Variants in PAX5 observed in about 807,000 individuals in gnomAD.
The protein encoded by PAX5 is paired box 5.
PAX5 carries 9 observed loss-of-function variants against 43.7 expected under a neutral mutation model. The observed-to-expected ratio is 0.21, with a 90% CI of 0.12 to 0.36. PAX5 has a LOEUF of 0.36. Among genes scored for constraint, PAX5 ranks in the 10% least tolerant of loss-of-function variants. PAX5 has a pLI of 1.00. For synonymous variants in PAX5, 228 were observed against 214.3 expected (o/e 1.06, Z -0.56); for missense variants, 383 against 532.7 (o/e 0.72, Z 2.77).
chr9:36,864,836 G>T (rs146287141), intron 8 of PAX5, among the ~76,000 whole-genome samples: 2 of 152,196 alleles, frequency 1.3e-5, no homozygotes, highest in African/African-American at 4.8e-5. Flanking sequence ...GCCGGCGCCG[G>T]AGCCGGGCTG....
At chr9:36,895,468 T>C (rs1827781941) in intron 7 of PAX5, among the ~76,000 whole-genome samples, 1 of 152,228 alleles carries the variant, frequency 6.6e-6, no homozygotes, top group African/African-American at 2.4e-5. Context: ...GCAGATTCTT[T>C]GGATTAAAAT....
intron 8 of PAX5, among the ~76,000 whole-genome samples, chr9:36,874,727 T>G (rs1825767778): frequency 6.6e-6 from 1 of 151,882 alleles, no homozygotes; most frequent in Non-Finnish European, 1.5e-5. Flanking sequence ...ACTGGATTCT[T>G]CTCTAGTTGG....
chr9:37,027,317 C>T (rs1588272193), intron 1 of PAX5, among the ~76,000 whole-genome samples: 1 of 152,320 alleles, frequency 6.6e-6, no homozygotes, highest in Admixed American at 6.5e-5. Flanking sequence ...CTTCAAAGTT[C>T]CCGCGGCCCC....
At chr9:36,895,488 T>TAA (rs1827785151) in intron 7 of PAX5, among the ~76,000 whole-genome samples, 2 of 152,238 alleles carry the variant, frequency 1.3e-5, no homozygotes, top group African/African-American at 4.8e-5. Context: ...TTACTAGTTG[T>TAA]TCTATAACCT....
intron 7 of PAX5, among the ~76,000 whole-genome samples, chr9:36,909,200 C>T (rs182517355): frequency 8.5e-4 from 130 of 152,286 alleles, no homozygotes; most frequent in Non-Finnish European, 4.0e-4. Flanking sequence ...CAATAGAATT[C>T]ACCCCCAAAT....
At position 37,003,154 on chromosome 9, in the gene PAX5, T is replaced by TAAA. The variant is rs67081521; in HGVS notation, c.476-381_476-379dup. ...CCGGGGCCCACCAACAGTCAGTGCT[T>TAAA]AAAAAAAAAAAAAAAAAAAAAAAAA... On this transcript the variant is annotated intron_variant, in intron 4 of 9. Transcript: ENST00000358127. Among the ~76,000 whole-genome samples the TAAA allele has an allele frequency of 2.9e-4, 22 of 75,830 alleles. No homozygotes were observed. In the East Asian group the frequency reaches 4.5e-3, roughly 16 times the overall value. 49.7% of individuals were successfully genotyped at this position (75,830 alleles called of 152,430 possible). A position where few individuals can be genotyped will look rare whatever the true frequency, so the allele number is the denominator to read the frequency against.
At position 36,834,303 on chromosome 9, in the gene PAX5, C is replaced by T. The variant is rs184637109; in HGVS notation, c.*6257G>A. The stretch of plus-strand genomic sequence containing the variant: ...CCTGAGCCCCGGGACAGGCTGCTGC[C>T]GGGTCTGCTCACCTTCTCTGACCCA... On this transcript the variant is annotated 3_prime_UTR_variant, in exon 10 of 10. Coordinates refer to ENST00000358127, the MANE Select transcript of PAX5 (RefSeq NM_016734.3). 320 of 233,324 alleles carry T rather than the reference C, an allele frequency of 1.4e-3. No homozygotes were observed. The highest frequency in any genetic ancestry group is 6.4e-3 in the East Asian group (107 of 16,596). The allele number at this position is 233,324 out of a possible 1,614,324, so 14.5% of individuals were successfully genotyped here.
intron 8 of PAX5, among the ~76,000 whole-genome samples, chr9:36,849,124 C>T (rs1047254813): frequency 9.8e-5 from 15 of 152,316 alleles, no homozygotes; most frequent in Non-Finnish European, 2.2e-4. Context: ...ATCCGTTGTA[C>T]GTGGGCATGC....
rs1409556293 is a variant in PAX5 at position 36,838,698 on chromosome 9, T to A, written c.*1862A>T. On this transcript the variant is annotated 3_prime_UTR_variant, in exon 10 of 10. Transcript: ENST00000358127. ...ATTGGGCCTCAGGTGCCCACCCCCA[T>A]CTGCTTGCTTGGAAGTGGAGGGCCT... is the stretch of plus-strand genomic sequence containing the variant. The A allele has an allele frequency of 4.3e-6, 1 of 232,688 alleles. No individual in the cohort carries two copies. Among genetic ancestry groups the A allele is most frequent in the Admixed American group, 5.6e-5 (1 of 17,752 alleles). The allele number at this position is 232,688 out of a possible 1,614,324, so 14.4% of individuals were successfully genotyped here.
At chr9:36,907,466 G>A (rs544260460) in intron 7 of PAX5, among the ~76,000 whole-genome samples, 3 of 152,150 alleles carry the variant, frequency 2.0e-5, no homozygotes, top group African/African-American at 7.2e-5. Flanking sequence ...TGGGCCTCCT[G>A]TGGATGCCAA....
At chr9:36,872,729 T>C (rs1416330060) in intron 8 of PAX5, among the ~76,000 whole-genome samples, 1 of 152,134 alleles carries the variant, frequency 6.6e-6, no homozygotes, top group Admixed American at 6.5e-5. Context: ...TTTAGTCACA[T>C]AGACTGTCCA....
intron 6 of PAX5, among the ~76,000 whole-genome samples, chr9:36,952,800 T>A (rs751792971): frequency 1.3e-5 from 2 of 152,210 alleles, no homozygotes; most frequent in Non-Finnish European, 2.9e-5. Flanking sequence ...CTGCCATCAT[T>A]TCACTTATCC....
chr9:36,898,460 C>T (rs966649225), intron 7 of PAX5, among the ~76,000 whole-genome samples: 5 of 152,120 alleles, frequency 3.3e-5, no homozygotes, highest in African/African-American at 1.2e-4. Flanking sequence ...CTCTGGTCTC[C>T]GGGCCCCAGA....
chr9:36,992,451 G>A lies in PAX5; in HGVS notation c.604+10197C>T, dbSNP rs559583250. On this transcript the variant is annotated intron_variant, in intron 5 of 9. Coordinates refer to ENST00000358127, the MANE Select transcript of PAX5 (RefSeq NM_016734.3). ...AAACACTCACTCCCCAGGCTCTCGG[G>A]TGGCACGAGCTGGCTGCTGCTGGCA... Among the ~76,000 whole-genome samples the A allele has an allele frequency of 5.3e-5, 8 of 152,342 alleles. No individual in the cohort carries two copies. The South Asian group carries it at 1.0e-3, about 20-fold the overall frequency.
intron 8 of PAX5, among the ~76,000 whole-genome samples, chr9:36,881,654 C>T (rs978338683): frequency 1.4e-5 from 2 of 144,286 alleles, no homozygotes; most frequent in East Asian, 2.3e-4. Context: ...GGAGAGAGGG[C>T]GGGGGCCGGG....
intron 7 of PAX5, among the ~76,000 whole-genome samples, chr9:36,888,075 AC>A (rs1383984559): frequency 6.6e-6 from 1 of 152,224 alleles, no homozygotes; most frequent in Non-Finnish European, 1.5e-5. Flanking sequence ...CCACAATAAA[AC>A]ACCACTTCAT....
chr9:36,988,508 T>A (rs901278550), intron 5 of PAX5, among the ~76,000 whole-genome samples: 2 of 151,672 alleles, frequency 1.3e-5, no homozygotes, highest in Non-Finnish European at 2.9e-5. Context: ...AAAAAAATTT[T>A]AAAAAATAGC....
At chr9:36,901,095 G>C (rs1367487274) in intron 7 of PAX5, among the ~76,000 whole-genome samples, 2 of 152,008 alleles carry the variant, frequency 1.3e-5, no homozygotes, top group African/African-American at 4.8e-5. Flanking sequence ...AGGTCTTCCT[G>C]CGAGTCTCAT....
chr9:37,025,511 C>A (rs1469142873), intron 1 of PAX5, among the ~76,000 whole-genome samples: 4 of 152,218 alleles, frequency 2.6e-5, no homozygotes, highest in East Asian at 3.9e-4. Flanking sequence ...AGACCCCGAG[C>A]GGCACCCGAG....
Sources: gnomAD v4.1 joint callset for allele counts (sites outside exome capture counted in the v4.1 genomes callset) on GRCh38, gnomAD v4.1.1 for gene constraint, MANE v1.5 for transcripts, NCBI Gene and HGNC (gene_info 2026-07-23, HGNC 2026-07-21) for gene names.